The following NELFE variants were observed in gnomAD, a reference collection of about 807,000 sequenced individuals.
The protein encoded by NELFE is negative elongation factor complex member E.
Under a neutral mutation model 55.5 loss-of-function variants are expected in NELFE, and 26 were observed. The ratio of observed to expected loss-of-function variants is 0.47; its 90% CI spans 0.34 to 0.65. The LOEUF is 0.65. Among genes scored for constraint, NELFE ranks in the 30% least tolerant of loss-of-function variants. The pLI is 0.01. For synonymous variants in NELFE, 162 were observed against 178.0 expected, an observed-to-expected ratio of 0.91 and a Z score of 0.72; for missense variants, 403 against 506.9, an observed-to-expected ratio of 0.80 and a Z score of 1.97.
In NELFE at chr6:31,953,604, C is replaced by A. The variant is rs544712747; in HGVS notation, c.1045+125G>T. ...GACAGAGGATCTGAAATTTTCCTTCCCATTCCCATAGCCTCCGCACACACT... is the reference window on the plus strand; with the variant it reads ...GACAGAGGATCTGAAATTTTCCTTCACATTCCCATAGCCTCCGCACACACT... On this transcript the variant is annotated intron_variant, in intron 10 of 10. Transcript: ENST00000375429. 29 of 799,032 alleles carry A rather than the reference C, an allele frequency of 3.6e-5. No individual in the cohort carries two copies. In the African/African-American group the frequency reaches 4.4e-4, roughly 12 times the overall value. 49.5% of individuals were successfully genotyped at this position (799,032 alleles called of 1,614,324 possible).
At chr6:31,958,614 G>A in intron 1 of NELFE, 160 bp from the exon 2 acceptor site, 2 of 713,780 alleles carry the variant, frequency 2.8e-6, no homozygotes, top group East Asian at 2.7e-5. Context: ...CCAAGCTCCC[G>A]CTGGTCGGGA....
In NELFE at chr6:31,954,185, C is replaced by A. The variant is rs559065504; in HGVS notation, c.888-51G>T. On this transcript the variant is annotated intron_variant, in intron 8 of 10. Coordinates refer to ENST00000375429, the MANE Select transcript of NELFE (RefSeq NM_002904.6). The surrounding 1 kb of genome is among the most constrained non-coding windows in gnomAD (Gnocchi z 5.5). The stretch of plus-strand genomic sequence containing the variant: ...TGGAGAGCCAAGGGGCTCTTCTGGA[C>A]CCAACCAAACCCAGTGATAATAGGC... The A allele has an allele frequency of 1.9e-6, 3 of 1,611,414 alleles. No homozygotes were observed. In the African/African-American group the frequency reaches 4.0e-5, roughly 22 times the overall value.
At chr6:31,958,502 C>G (rs1193732895) in intron 1 of NELFE, 48 bp from the exon 2 acceptor site, 1 of 1,522,270 alleles carries the variant, frequency 6.6e-7, no homozygotes, top group Admixed American at 1.7e-5. Flanking sequence ...TGTTACCACC[C>G]GGGGTTCACA....
chr6:31,953,582 A>G, intron 10 of NELFE, 147 bp downstream of exon 10: 1 of 706,576 alleles, frequency 1.4e-6, no homozygotes, highest in African/African-American at 1.8e-5. Flanking sequence ...TCTAACTGAC[A>G]GAGGATCTGA....
Position 31,954,651 on chromosome 6 carries a change from GCTCT to G in NELFE, c.642_645del (p.Arg214SerfsTer57). ...CGATCCCGATCCCGATCCCTGTCCC[GCTCT>G]CTGTCTCTGTCTCGATCCCGGTCTC... On this transcript the variant is annotated frameshift_variant, in exon 7 of 11. Transcript: ENST00000375429. LOFTEE classifies it high-confidence loss of function. The surrounding 1 kb of genome is among the most constrained non-coding windows in gnomAD (Gnocchi z 5.5). 1.3e-6 allele frequency: 2 copies of G among 1,599,546 alleles called. No homozygotes were observed. Among genetic ancestry groups the G allele is most frequent in the Non-Finnish European group, 1.7e-6 (2 of 1,172,482 alleles).
intron 2 of NELFE, chr6:31,957,285 A>C (rs1772146159): frequency 1.6e-6 from 1 of 624,476 alleles, no homozygotes; most frequent in Non-Finnish European, 2.9e-6. Flanking sequence ...GAATCCTAGG[A>C]TATAAGCTGC....
Position 31,952,201 on chromosome 6 carries a change from G to T in NELFE, c.*100C>A. The T allele has an allele frequency of 7.0e-7, 1 of 1,426,250 alleles. No individual in the cohort carries two copies. The highest frequency in any genetic ancestry group is 9.8e-7 in the Non-Finnish European group (1 of 1,024,342). 88.3% of individuals were successfully genotyped at this position (1,426,250 alleles called of 1,614,324 possible). ...AGGTTTAACCCCAATCCCAAGTGCT[G>T]AAAAACCAGAGGCTGAGGGAGATGT... On this transcript the variant is annotated 3_prime_UTR_variant, in exon 11 of 11. Coordinates refer to ENST00000375429, the MANE Select transcript of NELFE (RefSeq NM_002904.6).
At chr6:31,952,487 A>G in intron 10 of NELFE, 89 bp from the exon 11 acceptor site, 1 of 926,686 alleles carries the variant, frequency 1.1e-6, no homozygotes, top group Non-Finnish European at 1.6e-6. Flanking sequence ...ACTCCTGGCC[A>G]CTGGCCCCTG....
At chr6:31,955,169 C>T in intron 5 of NELFE, 50 bp downstream of exon 5, 1 of 1,611,874 alleles carries the variant, frequency 6.2e-7, no homozygotes, top group Non-Finnish European at 8.5e-7. Context: ...ATTTGTCTCT[C>T]ATATTCCTCC....
At chr6:31,956,545 G>A (rs576926674) in intron 4 of NELFE, 148 bp downstream of exon 4, 21 of 799,748 alleles carry the variant, frequency 2.6e-5, no homozygotes, top group African/African-American at 1.7e-4. Context: ...TTCAGGAGTC[G>A]TCTAGTTTTT....
At chr6:31,952,567 C>G (rs986726885) in intron 10 of NELFE, among the ~76,000 whole-genome samples, 169 bp from the exon 11 acceptor site, 2 of 152,168 alleles carry the variant, frequency 1.3e-5, no homozygotes, top group Non-Finnish European at 2.9e-5. Flanking sequence ...TTGTGCCAAC[C>G]CATGGCCAAG....
chr6:31,958,406 G>A lies in NELFE; in HGVS notation c.41C>T (p.Ala14Val), dbSNP rs1274147675. 6.2e-6 allele frequency: 10 copies of A among 1,612,954 alleles called. No individual in the cohort carries two copies. The highest frequency in any genetic ancestry group is 8.5e-6 in the Non-Finnish European group (10 of 1,180,032). Residue 14 changes from alanine to valine, a missense_variant, in exon 2 of 11, where the codon GCT becomes GTT. Physicochemically the swap from Ala to Val is moderately conservative, Grantham distance 64. This residue lies in a region of NELFE where 97 missense variants were observed against 155.3 expected (regional missense o/e 0.62). Transcript: ENST00000375429. The stretch of plus-strand genomic sequence containing the variant: ...GAGCTTGTTGAATTTCTTCTGCAGA[G>A]CCTCCTCTTCCTCGCTCAGTCCGGG... Reference protein sequence around the residue: ...IPPGLSEEEEALQKKFNKLKK... With the variant: ...IPPGLSEEEEVLQKKFNKLKK...
intron 2 of NELFE, 79 bp from the exon 3 acceptor site, chr6:31,957,089 TC>T: frequency 7.7e-7 from 1 of 1,296,128 alleles, no homozygotes; most frequent in Non-Finnish European, 1.1e-6. Context: ...CCTGGGCACA[TC>T]ACTCCAGGGA....
Position 31,954,686 on chromosome 6 carries a change from C to T in NELFE, c.611G>A (p.Arg204Gln), listed in dbSNP as rs141103033. 94 of 1,595,600 alleles carry T rather than the reference C, an allele frequency of 5.9e-5. No homozygotes were observed. The highest frequency in any genetic ancestry group is 7.3e-5 in the Non-Finnish European group (86 of 1,172,640). ...RNRDRDRDRE[R>Q]DRDRDRDRDR... ...TCTGTCTCGATCCCGGTCTCGATCC[C>T]GCTCCCGATCTCGGTCTCTGTCCCG... is the stretch of plus-strand genomic sequence containing the variant. The change falls in exon 7 of 11, where the codon CGG (arginine) becomes CAG (glutamine). Residue 204 changes from arginine (R) to glutamine (Q), a missense_variant. Physicochemically the swap from Arg to Gln is conservative, Grantham distance 43 (BLOSUM62 1). Transcript: ENST00000375429. The surrounding 1 kb of genome is among the most constrained non-coding windows in gnomAD (Gnocchi z 5.5).
At chr6:31,958,710 C>T in intron 1 of NELFE, 182 bp downstream of exon 1, 4 of 703,004 alleles carry the variant, frequency 5.7e-6, no homozygotes, top group East Asian at 5.4e-5. Flanking sequence ...CAAATATCCA[C>T]TCCGTCGGAA....
chr6:31,957,268 T>C, intron 2 of NELFE: 1 of 611,290 alleles, frequency 1.6e-6, no homozygotes. Flanking sequence ...AACTCAATCA[T>C]GGACTAGAAT....
At chr6:31,953,914 TAGG>T in intron 9 of NELFE, 83 bp from the exon 10 acceptor site, 2 of 1,384,278 alleles carry the variant, frequency 1.4e-6, no homozygotes, top group South Asian at 1.2e-5. Flanking sequence ...GTTGCTATCC[TAGG>T]AGGAGACTGA....
chr6:31,952,433 A>G, intron 10 of NELFE, 35 bp from the exon 11 acceptor site: 1 of 1,504,286 alleles, frequency 6.6e-7, no homozygotes, highest in Non-Finnish European at 9.2e-7. Context: ...TAAGGTCTAA[A>G]GGAGATCATA....
At chr6:31,956,568 T>C (rs1289695806) in intron 4 of NELFE, 125 bp downstream of exon 4, 2 of 1,020,024 alleles carry the variant, frequency 2.0e-6, no homozygotes, top group Non-Finnish European at 2.9e-6. Context: ...ATTTTATACA[T>C]GAGAGGTGAA....
Sources: allele counts gnomAD v4.1 joint callset (sites outside exome capture counted in the v4.1 genomes callset), GRCh38; gene constraint gnomAD v4.1.1; regional missense constraint gnomAD v4.1.1; non-coding constraint Gnocchi (gnomAD v3.1); transcripts MANE v1.5; gene names NCBI Gene and HGNC (gene_info 2026-07-23, HGNC 2026-07-21).